EYA1: variants seen among roughly 807,000 people sequenced by gnomAD.
The protein encoded by EYA1 is EYA transcriptional coactivator and phosphatase 1.
A neutral mutation model predicts 82.0 loss-of-function variants in EYA1; 16 were observed. The observed-to-expected ratio is 0.20, with a 90% CI of 0.13 to 0.30. The LOEUF (loss-of-function observed/expected upper bound fraction) is 0.30, where lower values mean the gene tolerates loss of function less well. EYA1 is among the 10% of genes least tolerant of loss of function. EYA1 has a pLI of 1.00. For synonymous variants in EYA1, 261 were observed against 264.4 expected (o/e 0.99, Z 0.12); for missense variants, 633 against 730.7 (o/e 0.87, Z 1.54).
Position 71,253,337 on chromosome 8 carries a change from G to A in EYA1, c.1051-8645C>T, listed in dbSNP as rs545015020. On this transcript the variant is annotated intron_variant, in intron 11 of 17. Transcript: ENST00000340726. ...GTGCCCACTCCAGGAAGAAGATAAA[G>A]AGTTTAAAATTTGGGGGTATTATTT... is the stretch of plus-strand genomic sequence containing the variant. Among the ~76,000 whole-genome samples, 60 of 152,128 alleles carry A rather than the reference G, an allele frequency of 3.9e-4. No individual in the cohort carries two copies. In the South Asian group the frequency reaches 0.012, roughly 29 times the overall value.
chr8:71,536,157 C>G (rs1300039258), intron 1 of EYA1, among the ~76,000 whole-genome samples: 2 of 152,086 alleles, frequency 1.3e-5, no homozygotes. Context: ...TTTGAGCCAG[C>G]AGTACAAGAG....
intron 12 of EYA1, among the ~76,000 whole-genome samples, chr8:71,230,471 C>G (rs1387181043): frequency 6.6e-6 from 1 of 152,188 alleles, no homozygotes; most frequent in Non-Finnish European, 1.5e-5. Context: ...GCTGAGGCAC[C>G]ACTATGCTGC....
At chr8:71,493,849 C>G (rs868634961) in intron 2 of EYA1, among the ~76,000 whole-genome samples, 1 of 148,238 alleles carries the variant, frequency 6.7e-6, no homozygotes, top group Admixed American at 6.7e-5. Flanking sequence ...CGGTGAAACC[C>G]CGTCTCTACT....
chr8:71,497,266 T>C (rs1308715823), intron 2 of EYA1, among the ~76,000 whole-genome samples: 2 of 152,138 alleles, frequency 1.3e-5, no homozygotes, highest in African/African-American at 4.8e-5. Flanking sequence ...GTTTAGAAAT[T>C]TGTGTTGGGC....
At chr8:71,256,673 A>G (rs1814462079) in intron 11 of EYA1, among the ~76,000 whole-genome samples, 1 of 152,168 alleles carries the variant, frequency 6.6e-6, no homozygotes, top group Admixed American at 6.5e-5. Context: ...AATGGTTAAG[A>G]AGGTAAAATT....
At chr8:71,503,392 G>C (rs1272179325) in intron 2 of EYA1, among the ~76,000 whole-genome samples, 2 of 151,840 alleles carry the variant, frequency 1.3e-5, no homozygotes, top group African/African-American at 2.4e-5. Flanking sequence ...AGAATTGCTT[G>C]AATCCAGGAG....
chr8:71,377,891 T>A (rs529685288), intron 2 of EYA1, among the ~76,000 whole-genome samples: 1 of 152,314 alleles, frequency 6.6e-6, no homozygotes, highest in Admixed American at 6.5e-5. Flanking sequence ...TGCTGTACAT[T>A]CCCTCTTTGA....
chr8:71,281,727 CA>C (rs1817836153), intron 9 of EYA1, among the ~76,000 whole-genome samples: 1 of 152,214 alleles, frequency 6.6e-6, no homozygotes, highest in African/African-American at 2.4e-5. Flanking sequence ...GCTGGGCCTG[CA>C]ACTTGGTTCA....
intron 2 of EYA1, among the ~76,000 whole-genome samples, chr8:71,470,082 T>C (rs1809070123): frequency 6.6e-6 from 1 of 151,998 alleles, no homozygotes; most frequent in Admixed American, 6.6e-5. Flanking sequence ...AACAAAAAAA[T>C]GTAACTAACA....
chr8:71,258,377 A>C (rs901846535), intron 11 of EYA1, among the ~76,000 whole-genome samples: 1 of 152,194 alleles, frequency 6.6e-6, no homozygotes. Context: ...TGCGTGTGCA[A>C]CTTGAGAAGG....
intron 7 of EYA1, among the ~76,000 whole-genome samples, chr8:71,316,198 C>T (rs1229415375): frequency 1.3e-5 from 2 of 152,088 alleles, no homozygotes; most frequent in South Asian, 2.1e-4. Context: ...TATACTTTAA[C>T]ACACAGCCCT....
chr8:71,539,824 G>A (rs1413761208), intron 1 of EYA1, among the ~76,000 whole-genome samples: 4 of 152,130 alleles, frequency 2.6e-5, no homozygotes, highest in Non-Finnish European at 5.9e-5. Context: ...TGAAATCAGT[G>A]TACACATCCT....
chr8:71,338,282 G>A (rs1484423731), intron 3 of EYA1, among the ~76,000 whole-genome samples: 1 of 152,238 alleles, frequency 6.6e-6, no homozygotes, highest in Non-Finnish European at 1.5e-5. Flanking sequence ...GTGATTATAT[G>A]AAGAAAACTT....
At chr8:71,355,868 TAA>T (rs1826819452) in intron 2 of EYA1, among the ~76,000 whole-genome samples, 1 of 152,228 alleles carries the variant, frequency 6.6e-6, no homozygotes. Flanking sequence ...AGAATTTATT[TAA>T]AGTCACTAAA....
intron 2 of EYA1, among the ~76,000 whole-genome samples, chr8:71,393,424 T>C (rs1351462552): frequency 2.0e-5 from 3 of 152,126 alleles, no homozygotes; most frequent in Non-Finnish European, 4.4e-5. Flanking sequence ...TAGGTATATC[T>C]CCTAATGCTA....
rs998850327 is a variant in EYA1, at chr8:71,392,085, C to T, written c.34-35574G>A. ...AGATGAAAAAATAATAGAGATTTCC[C>T]TCCATACTTTTCAAACCACAGGACT... On this transcript the variant is annotated intron_variant, in intron 2 of 18. Transcript: ENST00000643681. Among the ~76,000 whole-genome samples the T allele has an allele frequency of 2.6e-5, 4 of 152,278 alleles. No homozygotes were observed. The East Asian group carries it at 5.8e-4, about 22-fold the overall frequency.
chr8:71,209,738 T>A (rs1237133636), intron 17 of EYA1, among the ~76,000 whole-genome samples: 3 of 152,210 alleles, frequency 2.0e-5, no homozygotes, highest in Admixed American at 6.5e-5. Flanking sequence ...ATACATGGAT[T>A]CCTATGAGGG....
At position 71,456,196 on chromosome 8, in the gene EYA1, A is replaced by C. The variant is rs200114151; in HGVS notation, c.33+79548T>G. On this transcript the variant is annotated intron_variant, in intron 2 of 18. Coordinates refer to the EYA1 transcript ENST00000643681. ...AATCAAATACCTAGGAATCCAACTTACAAGGGATGTGAAGGACCTCTTCAA... is the reference window on the plus strand; with the variant it reads ...AATCAAATACCTAGGAATCCAACTTCCAAGGGATGTGAAGGACCTCTTCAA... Among the ~76,000 whole-genome samples the C allele has an allele frequency of 4.3e-4, 66 of 152,344 alleles. 1 individual carries two copies. The East Asian group carries it at 0.012, about 28-fold the overall frequency.
chr8:71,506,491 T>C (rs1052696432), intron 2 of EYA1, among the ~76,000 whole-genome samples: 1 of 152,252 alleles, frequency 6.6e-6, no homozygotes, highest in African/African-American at 2.4e-5. Flanking sequence ...GCAAATACTT[T>C]GTGTGTTTCT....
Sources: gnomAD v4.1 joint callset for allele counts (sites outside exome capture counted in the v4.1 genomes callset) on GRCh38, gnomAD v4.1.1 for gene constraint, MANE v1.5 for transcripts, NCBI Gene and HGNC (gene_info 2026-07-23, HGNC 2026-07-21) for gene names.